Variants in HTR7 observed in about 807,000 individuals in gnomAD.
HTR7 encodes 5-hydroxytryptamine receptor 7, also known as 5-HT-7.
HTR7 carries 16 observed loss-of-function variants against 34.0 expected under a neutral mutation model. The ratio of observed to expected loss-of-function variants is 0.47; its 90% CI spans 0.32 to 0.71. The LOEUF (loss-of-function observed/expected upper bound fraction) is 0.71, where lower values mean the gene tolerates loss of function less well. Among genes scored for constraint, HTR7 ranks in the 30% least tolerant of loss-of-function variants. The pLI, the probability that HTR7 is intolerant of heterozygous loss-of-function variation, is 0.04. For missense variants in HTR7, 504 were observed against 625.5 expected, an observed-to-expected ratio of 0.81 and a Z score of 2.07; for synonymous variants, 265 against 260.2, an observed-to-expected ratio of 1.02 and a Z score of -0.18.
chr10:90,848,611 A>G (rs187441853), intron 1 of HTR7, among the ~76,000 whole-genome samples: 64 of 152,380 alleles, frequency 4.2e-4, no homozygotes, highest in African/African-American at 1.5e-3. Flanking sequence ...ATTGCAAAGT[A>G]TATTTTGAAT....
At chr10:90,834,894 G>T (rs1218165968) in intron 1 of HTR7, among the ~76,000 whole-genome samples, 1 of 152,184 alleles carries the variant, frequency 6.6e-6, no homozygotes, top group Non-Finnish European at 1.5e-5. Flanking sequence ...GTAGGAACAG[G>T]AAGAATTGGG....
At chr10:90,747,848 CT>C (rs1049440781) in intron 2 of HTR7, among the ~76,000 whole-genome samples, 1 of 152,180 alleles carries the variant, frequency 6.6e-6, no homozygotes, top group Non-Finnish European at 1.5e-5. Flanking sequence ...TATTTTTCCC[CT>C]GACTTTCAAA....
chr10:90,743,595 G>A lies in HTR7; in HGVS notation c.1391C>T (p.Ala464Val), dbSNP rs747998216. Reference protein sequence around the residue: ...LQSPDHHNWLADKMLTTVEKK... With the variant: ...LQSPDHHNWLVDKMLTTVEKK... The stretch of plus-strand genomic sequence containing the variant: ...GTCTCCCTTTCCTTGCTACCCACCT[G>A]CTAACCAATTGTGATGGTCTGGAGA... The change falls in exon 3 of 4, where the codon GCA (alanine) becomes GTA (valine). Residue 464 changes from alanine to valine, a missense_variant and splice_region_variant. Ala to Val is a moderately conservative substitution (Grantham distance 64, BLOSUM62 0). Transcript: ENST00000336152. 16 of 1,612,764 alleles carry A rather than the reference G, an allele frequency of 9.9e-6. No individual in the cohort carries two copies. The highest frequency in any genetic ancestry group is 1.3e-5 in the Non-Finnish European group (15 of 1,178,810).
chr10:90,835,696 G>T (rs933113734), intron 1 of HTR7, among the ~76,000 whole-genome samples: 14 of 152,266 alleles, frequency 9.2e-5, no homozygotes, highest in African/African-American at 3.4e-4. Flanking sequence ...CTCAGCATTT[G>T]GTGTGCAAGG....
At chr10:90,820,182 C>T (rs1845956526) in intron 1 of HTR7, among the ~76,000 whole-genome samples, 1 of 152,116 alleles carries the variant, frequency 6.6e-6, no homozygotes, top group Admixed American at 6.5e-5. Flanking sequence ...TGGCTCTAGG[C>T]TAGTCTGACA....
chr10:90,772,298 T>C (rs1299643053), intron 1 of HTR7, among the ~76,000 whole-genome samples: 1 of 152,200 alleles, frequency 6.6e-6, no homozygotes, highest in Non-Finnish European at 1.5e-5. Context: ...ATGGAATCAT[T>C]ATAATAGATG....
At chr10:90,816,667 G>A (rs1026172284) in intron 1 of HTR7, among the ~76,000 whole-genome samples, 1 of 152,094 alleles carries the variant, frequency 6.6e-6, no homozygotes, top group Non-Finnish European at 1.5e-5. Context: ...TGAAGTTGCG[G>A]TGTTTTGAAA....
At chr10:90,805,248 TG>T (rs1845687152) in intron 1 of HTR7, among the ~76,000 whole-genome samples, 1 of 152,210 alleles carries the variant, frequency 6.6e-6, no homozygotes. Flanking sequence ...AAGCATGGTT[TG>T]GGCCCTAAAA....
chr10:90,852,018 G>A (rs1846507999), intron 1 of HTR7, among the ~76,000 whole-genome samples: 1 of 152,046 alleles, frequency 6.6e-6, no homozygotes, highest in African/African-American at 2.4e-5. Context: ...CCAGTCTTGG[G>A]TACGTCTTTA....
chr10:90,851,060 A>G (rs1387550242), intron 1 of HTR7, among the ~76,000 whole-genome samples: 1 of 152,212 alleles, frequency 6.6e-6, no homozygotes, highest in African/African-American at 2.4e-5. Flanking sequence ...AACGACAATA[A>G]CAACAAAAAA....
At chr10:90,812,111 A>C (rs1222903957) in intron 1 of HTR7, among the ~76,000 whole-genome samples, 1 of 152,198 alleles carries the variant, frequency 6.6e-6, no homozygotes, top group Non-Finnish European at 1.5e-5. Flanking sequence ...CCCTTCTCAG[A>C]AGTCAGACCT....
At chr10:90,819,479 CT>C (rs34490432) in intron 1 of HTR7, among the ~76,000 whole-genome samples, 2 of 151,862 alleles carry the variant, frequency 1.3e-5, no homozygotes, top group African/African-American at 2.4e-5. Flanking sequence ...GGTTTCAAAC[CT>C]TTTTTTTGAA....
intron 1 of HTR7, among the ~76,000 whole-genome samples, chr10:90,759,657 G>T (rs1844899989): frequency 1.4e-5 from 1 of 73,604 alleles, no homozygotes; most frequent in Non-Finnish European, 2.2e-5. Context: ...GCGAGACTCT[G>T]TCTCAAAAAA....
chr10:90,856,216 A>C (rs142914002), intron 1 of HTR7, among the ~76,000 whole-genome samples: 152 of 152,362 alleles, frequency 1.0e-3, no homozygotes, highest in Non-Finnish European at 1.7e-3. Flanking sequence ...CTGAGTGTGA[A>C]TATTAAGGTC....
intron 1 of HTR7, among the ~76,000 whole-genome samples, chr10:90,829,152 A>G (rs1358952202): frequency 6.6e-6 from 1 of 152,210 alleles, no homozygotes; most frequent in Non-Finnish European, 1.5e-5. Context: ...AAACCCATAT[A>G]TCATTTCAGC....
chr10:90,742,966 C>T (rs1844577781), intron 3 of HTR7, among the ~76,000 whole-genome samples: 1 of 152,060 alleles, frequency 6.6e-6, no homozygotes, highest in Non-Finnish European at 1.5e-5. Flanking sequence ...CAAGAAACTT[C>T]ACTTCTCTCC....
chr10:90,838,873 G>A (rs200754856), intron 1 of HTR7, among the ~76,000 whole-genome samples: 8 of 152,130 alleles, frequency 5.3e-5, no homozygotes, highest in South Asian at 2.1e-4. Flanking sequence ...TTAATTGTGC[G>A]TGATACTTAT....
intron 1 of HTR7, among the ~76,000 whole-genome samples, chr10:90,823,594 A>T (rs1400632925): frequency 6.6e-6 from 1 of 151,818 alleles, no homozygotes; most frequent in African/African-American, 2.4e-5. Flanking sequence ...ATGAGTTAAG[A>T]CTCTGGGGGA....
intron 1 of HTR7, among the ~76,000 whole-genome samples, chr10:90,829,220 C>T (rs1846127899): frequency 1.3e-5 from 2 of 152,096 alleles, no homozygotes; most frequent in Admixed American, 1.3e-4. Flanking sequence ...TAAAAACCCT[C>T]AAAAAACTGA....
Sources: allele counts gnomAD v4.1 joint callset (sites outside exome capture counted in the v4.1 genomes callset), GRCh38; gene constraint gnomAD v4.1.1; transcripts MANE v1.5; gene names NCBI Gene and HGNC (gene_info 2026-07-23, HGNC 2026-07-21).